Variants in ZNF117 observed in about 807,000 individuals in gnomAD.
ZNF117 encodes zinc finger protein 117, also known as Krueppel-related zinc finger protein.
Under a neutral mutation model 41.2 loss-of-function variants are expected in ZNF117, and 37 were observed. The ratio of observed to expected loss-of-function variants is 0.90; its 90% CI spans 0.69 to 1.18. The LOEUF (loss-of-function observed/expected upper bound fraction) is 1.18, where lower values mean the gene tolerates loss of function less well. Ranked by LOEUF, ZNF117 falls within the 50% of genes most tolerant of loss-of-function variation. The probability of loss-of-function intolerance (pLI) is 0.00; values close to 1 mark genes in which losing one functional copy is unlikely to be tolerated. For missense variants in ZNF117, 546 were observed against 557.5 expected (o/e 0.98, Z 0.21); for synonymous variants, 186 against 186.6 (o/e 1.00, Z 0.02).
At chr7:64,978,739 T>G in exon 3 of ZNF117, 3 of 1,613,184 alleles carry the variant, frequency 1.9e-6, no homozygotes, top group Non-Finnish European at 2.5e-6. Context: ...TCTTCACATT[T>G]GTACAGCTTC....
chr7:64,975,023 C>T (rs1028565551), exon 3 of ZNF117: 1 of 151,652 alleles, frequency 6.6e-6, no homozygotes, highest in Non-Finnish European at 1.5e-5. Context: ...AAAATTTAAC[C>T]TATGGGAACA....
At chr7:64,978,959 C>T (rs1320460702) in exon 3 of ZNF117, 1 of 1,609,930 alleles carries the variant, frequency 6.2e-7, no homozygotes, top group Non-Finnish European at 8.5e-7. Context: ...GGGTCGATGA[C>T]TGGTTAAAGG....
chr7:64,989,456 T>TATATATATATATATATATAC (rs1786208367), intron 1 of ZNF117, among the ~76,000 whole-genome samples: 1 of 30,016 alleles, frequency 3.3e-5, no homozygotes, highest in African/African-American at 1.6e-4. Context: ...TATATATATA[T>TATATATATATATATATATAC]ATATATATAT....
chr7:64,980,618 C>A, intron 2 of ZNF117: 1 of 151,812 alleles, frequency 6.6e-6, no homozygotes, highest in East Asian at 1.9e-4. Flanking sequence ...ACAACAAGAA[C>A]ATATATAAGC....
At chr7:64,981,218 A>G (rs1786025102) in intron 2 of ZNF117, 169 bp downstream of exon 3, 2 of 845,616 alleles carry the variant, frequency 2.4e-6, no homozygotes, top group Admixed American at 2.9e-5. Flanking sequence ...TAGAGAATTG[A>G]AAAACAATAC....
upstream of ZNF117, chr7:64,982,182 A>C (rs1416836700): frequency 7.1e-6 from 4 of 562,830 alleles, no homozygotes; most frequent in Admixed American, 1.1e-4. Flanking sequence ...CATGGGCATA[A>C]TTTTAAATTT....
intron 1 of ZNF117, among the ~76,000 whole-genome samples, chr7:64,988,185 C>A (rs1301769626): frequency 4.6e-5 from 7 of 152,108 alleles, no homozygotes; most frequent in Admixed American, 4.6e-4. Context: ...TCCTTGATGA[C>A]CATTGATGCA....
exon 3 of ZNF117, chr7:64,979,243 T>G: frequency 6.2e-7 from 1 of 1,608,278 alleles, no homozygotes; most frequent in East Asian, 2.2e-5. Flanking sequence ...TCTTTACATT[T>G]AAAATGTTTA....
At position 64,979,521 on chromosome 7, in the gene ZNF117, AAAT is replaced by A. The variant is rs1452266808; in HGVS notation, c.47_49del (p.Tyr16del). 5.4e-6 allele frequency: 8 copies of A among 1,488,618 alleles called. No homozygotes were observed. The African/African-American group carries it at 7.1e-5, about 13-fold the overall frequency. 92.2% of individuals were successfully genotyped at this position (1,488,618 alleles called of 1,614,324 possible). ...CTGCTCTGGCCAAAGGTGTTGGGCA[AAAT>A]AATAAAACATAACTGAAAGAAATAA... is the stretch of plus-strand genomic sequence containing the variant. On this transcript the variant is annotated inframe_deletion, in exon 3 of 3. Transcript: ENST00000620222.
chr7:64,978,945 G>A, exon 3 of ZNF117: 2 of 1,613,098 alleles, frequency 1.2e-6, no homozygotes, highest in Non-Finnish European at 8.5e-7. Context: ...ATTATGTGTA[G>A]TAAGGGTCGA....
chr7:64,989,188 C>G (rs193157531), intron 1 of ZNF117, among the ~76,000 whole-genome samples: 43 of 150,862 alleles, frequency 2.9e-4, no homozygotes, highest in African/African-American at 9.5e-4. Context: ...CACACACACA[C>G]ACATATATAT....
chr7:64,988,862 A>C (rs542717365), intron 1 of ZNF117, among the ~76,000 whole-genome samples: 1 of 152,224 alleles, frequency 6.6e-6, no homozygotes, highest in Non-Finnish European at 1.5e-5. Flanking sequence ...AAAAAGAATA[A>C]AACATCTAGA....
chr7:64,981,864 A>AT (rs1786040695), intron 1 of ZNF117, 120 bp downstream of exon 2: 1 of 375,462 alleles, frequency 2.7e-6, no homozygotes, highest in Non-Finnish European at 4.9e-6. Flanking sequence ...AATCTAAAAG[A>AT]TTTTTTTGAA....
upstream of ZNF117, among the ~76,000 whole-genome samples, chr7:64,986,129 A>G (rs1031708141): frequency 8.7e-6 from 1 of 114,480 alleles, no homozygotes; most frequent in African/African-American, 3.2e-5. Context: ...TGTTTATGGG[A>G]AAAAAGCAGA....
chr7:64,978,795 T>G, exon 3 of ZNF117: 1 of 1,613,456 alleles, frequency 6.2e-7, no homozygotes, highest in Non-Finnish European at 8.5e-7. Flanking sequence ...TGAGGATCGG[T>G]TAAAAGCTTT....
exon 3 of ZNF117, chr7:64,978,073 G>T: frequency 1.3e-6 from 2 of 1,575,508 alleles, no homozygotes; most frequent in Non-Finnish European, 1.7e-6. Context: ...CACTTGTAAG[G>T]TTTCTCTCCA....
exon 3 of ZNF117, chr7:64,975,979 G>A (rs907270618): frequency 6.6e-6 from 1 of 152,108 alleles, no homozygotes; most frequent in Non-Finnish European, 1.5e-5. Flanking sequence ...TACATTTGCA[G>A]TTTTTCTCCA....
exon 3 of ZNF117, chr7:64,975,117 TA>T (rs1348247716): frequency 5.3e-5 from 8 of 151,976 alleles, no homozygotes; most frequent in African/African-American, 1.7e-4. Context: ...TATTAAATAG[TA>T]CATTGTTACT....
downstream of ZNF117, chr7:64,972,395 AC>A (rs1388822251): frequency 1.3e-5 from 2 of 152,098 alleles, no homozygotes; most frequent in Non-Finnish European, 2.9e-5. Flanking sequence ...TACACAATCA[AC>A]AGTTCAACAT....
Sources: allele counts gnomAD v4.1 joint callset (sites outside exome capture counted in the v4.1 genomes callset), GRCh38; gene constraint gnomAD v4.1.1; transcripts MANE v1.5; gene names NCBI Gene and HGNC (gene_info 2026-07-23, HGNC 2026-07-21).